Variants in SLC2A9 observed in about 807,000 individuals in gnomAD.
The protein encoded by SLC2A9 is solute carrier family 2 member 9.
A neutral mutation model predicts 50.6 loss-of-function variants in SLC2A9; 39 were observed. The observed-to-expected ratio is 0.77, with a 90% CI of 0.60 to 1.01. The LOEUF (loss-of-function observed/expected upper bound fraction) is 1.01. Ranked by LOEUF, SLC2A9 falls within the 50% of genes least tolerant of loss-of-function variation. SLC2A9 has a pLI of 0.00. For synonymous variants in SLC2A9, 324 were observed against 276.9 expected (o/e 1.17, Z -1.69); for missense variants, 686 against 677.6 (o/e 1.01, Z -0.14).
intron 6 of SLC2A9, among the ~76,000 whole-genome samples, chr4:9,928,134 A>C (rs984836076): frequency 1.3e-5 from 2 of 152,194 alleles, no homozygotes; most frequent in African/African-American, 4.8e-5. Flanking sequence ...AAACAAAAGA[A>C]ACCACAAATT....
chr4:9,990,487 C>T (rs909132152), intron 3 of SLC2A9, among the ~76,000 whole-genome samples: 2 of 152,136 alleles, frequency 1.3e-5, no homozygotes, highest in South Asian at 4.1e-4. Flanking sequence ...AGTGACGTAA[C>T]ACAGGGAACT....
intron 2 of SLC2A9, among the ~76,000 whole-genome samples, chr4:10,011,105 G>A (rs80245519): frequency 3.3e-5 from 5 of 152,118 alleles, no homozygotes; most frequent in Non-Finnish European, 7.4e-5. Context: ...TGTCTTGGTT[G>A]GGCCCTTTTG....
intron 10 of SLC2A9, among the ~76,000 whole-genome samples, chr4:9,850,028 C>A (rs909298632): frequency 5.3e-5 from 8 of 151,766 alleles, no homozygotes; most frequent in Non-Finnish European, 7.4e-5. Flanking sequence ...GACTGGCACA[C>A]TCAAGCCACA....
chr4:9,993,142 G>T (rs1758004377), intron 3 of SLC2A9, among the ~76,000 whole-genome samples: 1 of 152,218 alleles, frequency 6.6e-6, no homozygotes, highest in South Asian at 2.1e-4. Context: ...ATGTTTGTTT[G>T]GATAGATGAA....
At chr4:9,979,682 G>C (rs893404633) in intron 5 of SLC2A9, among the ~76,000 whole-genome samples, 1 of 151,858 alleles carries the variant, frequency 6.6e-6, no homozygotes, top group African/African-American at 2.4e-5. Context: ...CTCCACCCCA[G>C]AGCCACCTTC....
intron 1 of SLC2A9, among the ~76,000 whole-genome samples, chr4:10,038,267 G>C (rs1258093048): frequency 2.0e-5 from 3 of 152,040 alleles, no homozygotes; most frequent in Non-Finnish European, 2.9e-5. Flanking sequence ...AGTGCTTTGA[G>C]AGGCCGAGGC....
chr4:9,981,320 G>C (rs1375536728), intron 4 of SLC2A9, among the ~76,000 whole-genome samples: 16 of 152,000 alleles, frequency 1.1e-4, no homozygotes, highest in South Asian at 4.2e-4. Context: ...CGATGGTGGT[G>C]ATAGTGATGG....
At chr4:9,950,114 C>A (rs1749954922) in intron 5 of SLC2A9, among the ~76,000 whole-genome samples, 1 of 152,198 alleles carries the variant, frequency 6.6e-6, no homozygotes, top group Admixed American at 6.5e-5. Context: ...CCACACCTGA[C>A]CCCACAGAGT....
intron 9 of SLC2A9, among the ~76,000 whole-genome samples, chr4:9,888,870 A>G (rs1207454609): frequency 6.6e-6 from 1 of 152,098 alleles, no homozygotes; most frequent in Non-Finnish European, 1.5e-5. Flanking sequence ...GAGGAGCTTC[A>G]TGGACTCTTG....
intron 8 of SLC2A9, among the ~76,000 whole-genome samples, chr4:9,894,666 C>T (rs1738185620): frequency 6.6e-6 from 1 of 152,182 alleles, no homozygotes; most frequent in African/African-American, 2.4e-5. Flanking sequence ...AAAGATGTCA[C>T]AGCTTTTCTT....
At chr4:9,984,178 T>C (rs1267014651) in intron 4 of SLC2A9, among the ~76,000 whole-genome samples, 1 of 152,208 alleles carries the variant, frequency 6.6e-6, no homozygotes, top group Non-Finnish European at 1.5e-5. Flanking sequence ...TTTGGACTAT[T>C]AGAGAGGCCT....
At chr4:10,018,032 G>A (rs1021959469) in intron 2 of SLC2A9, among the ~76,000 whole-genome samples, 1 of 152,194 alleles carries the variant, frequency 6.6e-6, no homozygotes, top group African/African-American at 2.4e-5. Context: ...GCCCTTGCCT[G>A]TGGGTGGTGG....
At chr4:9,798,615 C>G (rs1720902165), downstream of SLC2A9, 1 of 152,104 alleles carries the variant, frequency 6.6e-6, no homozygotes, top group African/African-American at 2.4e-5. Context: ...GTGCTAGAGG[C>G]AAAGGAGTTT....
At chr4:10,004,007 C>T (rs540876218) in intron 2 of SLC2A9, among the ~76,000 whole-genome samples, 5 of 152,288 alleles carry the variant, frequency 3.3e-5, no homozygotes, top group East Asian at 3.9e-4. Context: ...CATTGGCATG[C>T]GATGTCACCA....
chr4:9,995,459 T>C (rs542831535), intron 3 of SLC2A9, among the ~76,000 whole-genome samples: 2 of 152,306 alleles, frequency 1.3e-5, no homozygotes, highest in East Asian at 1.9e-4. Flanking sequence ...TTTCTCCTTG[T>C]TGGGCTGTGA....
At chr4:9,936,363 C>T (rs1024698217) in intron 6 of SLC2A9, among the ~76,000 whole-genome samples, 1 of 152,188 alleles carries the variant, frequency 6.6e-6, no homozygotes, top group African/African-American at 2.4e-5. Context: ...TCCTGAGTCA[C>T]ACAGCTGTGG....
intron 6 of SLC2A9, among the ~76,000 whole-genome samples, chr4:9,921,092 C>G (rs1172022237): frequency 6.6e-6 from 1 of 152,134 alleles, no homozygotes; most frequent in Admixed American, 6.5e-5. Context: ...TGTCACTTGG[C>G]CAGGATGCCC....
chr4:9,814,914 C>T (rs1229295767), intron 3 of SLC2A9, among the ~76,000 whole-genome samples: 1 of 151,454 alleles, frequency 6.6e-6, no homozygotes, highest in Non-Finnish European at 1.5e-5. Context: ...TGTCAAAGTG[C>T]CACGGTGAAA....
intron 6 of SLC2A9, among the ~76,000 whole-genome samples, chr4:9,930,359 A>G (rs1044042099): frequency 2.0e-5 from 3 of 152,178 alleles, no homozygotes; most frequent in Admixed American, 1.3e-4. Context: ...GGTGAAAAAG[A>G]GGGTAGGAGG....
Sources: allele counts gnomAD v4.1 joint callset (sites outside exome capture counted in the v4.1 genomes callset), GRCh38; gene constraint gnomAD v4.1.1; transcripts MANE v1.5; gene names NCBI Gene and HGNC (gene_info 2026-07-23, HGNC 2026-07-21).